Variants in PLAAT4 observed in about 807,000 individuals in gnomAD.
PLAAT4 encodes phospholipase A and acyltransferase 4.
In PLAAT4, 12 loss-of-function variants were observed where a neutral mutation model predicts 14.1. The observed-to-expected ratio is 0.85, with a 90% confidence interval of 0.54 to 1.37. The LOEUF is 1.37. Among genes scored for constraint, PLAAT4 ranks in the 40% most tolerant of loss-of-function variants. PLAAT4 has a pLI of 0.00. For synonymous variants in PLAAT4, 77 were observed against 79.8 expected (o/e 0.96, Z 0.19); for missense variants, 163 against 211.7 (o/e 0.77, Z 1.43).
At chr11:63,539,678 A>G in intron 2 of PLAAT4, 54 bp downstream of exon 2, 1 of 1,401,564 alleles carries the variant, frequency 7.1e-7, no homozygotes, top group Non-Finnish European at 9.9e-7. Flanking sequence ...GGATAATGAG[A>G]GGGCCGGGCA....
chr11:63,546,189 T>C lies in PLAAT4; in HGVS notation c.428T>C (p.Leu143Pro). The C allele has an allele frequency of 6.2e-7, 1 of 1,614,062 alleles. No individual in the cohort carries two copies. Among genetic ancestry groups the C allele is most frequent in the African/African-American group, 1.3e-5 (1 of 75,002 alleles). Residue 143 changes from leucine to proline, a missense_variant, in exon 4 of 4, where the codon CTT becomes CCT. Physicochemically the swap from Leu to Pro is moderately conservative, Grantham distance 98. Transcript: ENST00000255688. ...AKVEVGVATA[L>P]GILVVAGCSF... is the part of the protein sequence containing the mutation. ...GTTGAAGTCGGTGTGGCCACGGCGCTTGGAATCCTGGTTGTTGCTGGATGC... is the reference window on the plus strand; with the variant it reads ...GTTGAAGTCGGTGTGGCCACGGCGCCTGGAATCCTGGTTGTTGCTGGATGC...
chr11:63,545,578 G>T (rs2017357942), intron 3 of PLAAT4, among the ~76,000 whole-genome samples: 1 of 152,124 alleles, frequency 6.6e-6, no homozygotes. Flanking sequence ...CCCATTAGAG[G>T]CCCAGGTGGA....
chr11:63,541,343 C>T lies in PLAAT4; in HGVS notation c.118+1719C>T, dbSNP rs2017319571. ...AATAGCTGAGGCTACAGGCGCATGCCACCACAGCCAGCTAGTTTTTTGTAT... is the reference window on the plus strand; with the variant it reads ...AATAGCTGAGGCTACAGGCGCATGCTACCACAGCCAGCTAGTTTTTTGTAT... On this transcript the variant is annotated intron_variant, in intron 2 of 3. Transcript: ENST00000255688. 2.0e-5 allele frequency among the ~76,000 whole-genome samples: 3 copies of T among 152,100 alleles called. No individual in the cohort carries two copies. In the South Asian group the frequency reaches 6.2e-4, roughly 32 times the overall value.
chr11:63,544,515 A>G, intron 2 of PLAAT4, 106 bp from the exon 3 acceptor site: 1 of 1,367,502 alleles, frequency 7.3e-7, no homozygotes, highest in East Asian at 2.3e-5. Flanking sequence ...GAATCCTTCA[A>G]TCACATTTGT....
At chr11:63,545,762 G>A (rs1362432485) in intron 3 of PLAAT4, among the ~76,000 whole-genome samples, 1 of 152,002 alleles carries the variant, frequency 6.6e-6, no homozygotes, top group African/African-American at 2.4e-5. Context: ...GGAGGACCCA[G>A]ACTGCAAAAT....
chr11:63,543,786 G>A (rs1188956443), intron 2 of PLAAT4, among the ~76,000 whole-genome samples: 1 of 152,190 alleles, frequency 6.6e-6, no homozygotes, highest in Non-Finnish European at 1.5e-5. Context: ...CAGCTCTTCT[G>A]TGTTCCTCTC....
chr11:63,546,016 A>T, intron 3 of PLAAT4, 133 bp from the exon 4 acceptor site: 1 of 745,948 alleles, frequency 1.3e-6, no homozygotes. Flanking sequence ...CAGCTGGGAG[A>T]GAAGAGAGGA....
intron 1 of PLAAT4, among the ~76,000 whole-genome samples, chr11:63,537,689 G>T (rs1407148055): frequency 6.6e-6 from 1 of 152,172 alleles, no homozygotes; most frequent in Non-Finnish European, 1.5e-5. Flanking sequence ...GCAGTTAAAA[G>T]CCCCTCTCTC....
At chr11:63,543,503 C>T (rs1473591051) in intron 2 of PLAAT4, among the ~76,000 whole-genome samples, 4 of 152,226 alleles carry the variant, frequency 2.6e-5, no homozygotes, top group Admixed American at 2.0e-4. Flanking sequence ...ACAGGTCTCG[C>T]CATGTTGTCC....
At position 63,544,074 on chromosome 11, in the gene PLAAT4, G is replaced by A. The variant is rs150600010; in HGVS notation, c.119-547G>A. Among the ~76,000 whole-genome samples, 36 of 152,344 alleles carry A rather than the reference G, an allele frequency of 2.4e-4. No individual in the cohort carries two copies. In the East Asian group the frequency reaches 6.4e-3, roughly 27 times the overall value. ...ACAGCACAGCATGGTAACTGAAACA[G>A]TGGGTACTAAACGAATTGGATCTTT... On this transcript the variant is annotated intron_variant, in intron 2 of 3. Transcript: ENST00000255688.
intron 2 of PLAAT4, among the ~76,000 whole-genome samples, chr11:63,541,548 C>A (rs1262797968): frequency 1.5e-5 from 2 of 134,436 alleles, no homozygotes; most frequent in Non-Finnish European, 3.1e-5. Context: ...TTTTTTTCCT[C>A]TGAGACAGTG....
chr11:63,540,374 A>C (rs955208325), intron 2 of PLAAT4, among the ~76,000 whole-genome samples: 2 of 152,232 alleles, frequency 1.3e-5, no homozygotes, highest in African/African-American at 4.8e-5. Flanking sequence ...AGCAATTCTC[A>C]CAGGTTTATA....
In PLAAT4 at chr11:63,544,753, A is replaced by C. The variant is rs1195248625; in HGVS notation, c.251A>C (p.Tyr84Ser). ...YRVNNSLDHE[Y>S]QPRPVEVIIS... ...GTCAACAACAGCTTGGACCATGAGT[A>C]CCAACCACGGCCCGTGGAGGTGATC... Residue 84 changes from tyrosine (Y) to serine (S), a missense_variant, in exon 3 of 4, where the codon TAC (tyrosine) becomes TCC (serine). Physicochemically the swap from Tyr to Ser is moderately radical, Grantham distance 144. Coordinates refer to ENST00000255688, the MANE Select transcript of PLAAT4 (RefSeq NM_004585.5). 1 of 1,614,096 alleles carries C rather than the reference A, an allele frequency of 6.2e-7. No homozygotes were observed. Among genetic ancestry groups the C allele is most frequent in the Admixed American group, 1.7e-5 (1 of 60,006 alleles).
intron 1 of PLAAT4, 81 bp downstream of exon 1, chr11:63,536,958 T>A (rs2017275425): frequency 2.0e-6 from 3 of 1,516,666 alleles, no homozygotes; most frequent in Non-Finnish European, 2.7e-6. Flanking sequence ...TCCAGGCTCC[T>A]GGCCTTGGGC....
In PLAAT4 at chr11:63,544,770, G is replaced by A. The variant is rs2017349962; in HGVS notation, c.268G>A (p.Glu90Lys). ...CCATGAGTACCAACCACGGCCCGTG[G>A]AGGTGATCATCAGTTCTGCGAAGGA... Reference protein sequence around the residue: ...LDHEYQPRPVEVIISSAKEMV... With the variant: ...LDHEYQPRPVKVIISSAKEMV... The change falls in exon 3 of 4, where the codon GAG becomes AAG. Residue 90 changes from glutamate to lysine, a missense_variant. By Grantham distance (56) the Glu-to-Lys change is moderately conservative. Transcript: ENST00000255688. 1 of 1,614,234 alleles carries A rather than the reference G, an allele frequency of 6.2e-7. No homozygotes were observed. The highest frequency in any genetic ancestry group is 8.5e-7 in the Non-Finnish European group (1 of 1,180,044).
At chr11:63,538,784 C>T (rs35543645) in intron 1 of PLAAT4, among the ~76,000 whole-genome samples, 5,054 of 152,244 alleles carry the variant, frequency 0.033, 124 homozygotes, top group Non-Finnish European at 0.046. Context: ...GCCCTGCCAC[C>T]TCTCTGATCC....
rs113675935 is a variant in PLAAT4 at position 63,541,481 on chromosome 11, C to T, written c.118+1857C>T. On this transcript the variant is annotated intron_variant, in intron 2 of 3. Coordinates refer to ENST00000255688, the MANE Select transcript of PLAAT4 (RefSeq NM_004585.5). ...CTGGGATTACAGGCATGAGCCACCG[C>T]GCTCAGCCGTAAAGAGGCTTTTTAA... Among the ~76,000 whole-genome samples, 820 of 151,578 alleles carry T rather than the reference C, an allele frequency of 5.4e-3. 2 individuals carry two copies. The highest frequency in any genetic ancestry group is 7.0e-3 in the Non-Finnish European group (473 of 67,898).
intron 2 of PLAAT4, 124 bp downstream of exon 2, chr11:63,539,748 G>A: frequency 1.7e-6 from 1 of 604,458 alleles, no homozygotes; most frequent in Non-Finnish European, 2.7e-6. Flanking sequence ...GATTACCTGA[G>A]GTCAGGAGTT....
chr11:63,538,535 T>C, intron 1 of PLAAT4: 1 of 235,508 alleles, frequency 4.2e-6, no homozygotes, highest in South Asian at 3.7e-5. Context: ...AGACCCCAGG[T>C]CTATGATGGG....
Sources: allele counts gnomAD v4.1 joint callset (sites outside exome capture counted in the v4.1 genomes callset), GRCh38; gene constraint gnomAD v4.1.1; transcripts MANE v1.5; gene names NCBI Gene and HGNC (gene_info 2026-07-23, HGNC 2026-07-21).